The following SLC18A1 variants were observed in gnomAD, a reference collection of about 807,000 sequenced individuals.
SLC18A1 encodes the protein solute carrier family 18 member A1.
In SLC18A1, 69 loss-of-function variants were observed where a neutral mutation model predicts 53.7. That is an observed-to-expected ratio of 1.28 (90% CI 1.06 to 1.57). The LOEUF is 1.57. Ranked by LOEUF, SLC18A1 falls within the 40% of genes most tolerant of loss-of-function variation. The pLI, the probability that SLC18A1 is intolerant of heterozygous loss-of-function variation, is 0.00. For synonymous variants in SLC18A1, 320 were observed against 248.1 expected, an observed-to-expected ratio of 1.29 and a Z score of -2.72; for missense variants, 932 against 668.1, an observed-to-expected ratio of 1.40 and a Z score of -4.35.
At chr8:20,171,331 A>T in intron 7 of SLC18A1, 74 bp downstream of exon 7, 1 of 1,373,264 alleles carries the variant, frequency 7.3e-7, no homozygotes, top group Non-Finnish European at 1.0e-6. Flanking sequence ...CTTAGTGAAG[A>T]CTGACACTAC....
At chr8:20,148,707 C>T (rs554604825) in intron 12 of SLC18A1, among the ~76,000 whole-genome samples, 1 of 152,268 alleles carries the variant, frequency 6.6e-6, no homozygotes, top group East Asian at 1.9e-4. Flanking sequence ...TGGGTACCTG[C>T]CATTCAAACC....
intron 5 of SLC18A1, 42 bp downstream of exon 5, chr8:20,174,319 C>T (rs1047540371): frequency 1.2e-5 from 15 of 1,294,974 alleles, no homozygotes; most frequent in Non-Finnish European, 1.5e-5. Context: ...TGTGTGTGTG[C>T]ATGCCTGCAT....
At chr8:20,176,957 G>C (rs534485602) in intron 4 of SLC18A1, among the ~76,000 whole-genome samples, 1 of 152,204 alleles carries the variant, frequency 6.6e-6, no homozygotes, top group East Asian at 1.9e-4. Context: ...TGTCTCCCCA[G>C]GCAACCATCA....
chr8:20,171,356 C>T (rs1047796615), intron 7 of SLC18A1, 49 bp downstream of exon 7: 1 of 1,531,020 alleles, frequency 6.5e-7, no homozygotes, highest in Non-Finnish European at 9.1e-7. Flanking sequence ...TAATGCATTC[C>T]CAACCTGACC....
At chr8:20,182,203 C>T (rs1275376348) in intron 1 of SLC18A1, among the ~76,000 whole-genome samples, 1 of 152,120 alleles carries the variant, frequency 6.6e-6, no homozygotes, top group Non-Finnish European at 1.5e-5. Flanking sequence ...AACTCTACTA[C>T]AAGGAACCCA....
intron 10 of SLC18A1, among the ~76,000 whole-genome samples, chr8:20,160,540 T>A (rs1319224693): frequency 1.3e-5 from 2 of 152,108 alleles, no homozygotes; most frequent in Non-Finnish European, 2.9e-5. Context: ...CAAAATGGTT[T>A]AAAGTAAAAT....
At chr8:20,156,761 G>A (rs1424081391) in intron 10 of SLC18A1, among the ~76,000 whole-genome samples, 2 of 152,222 alleles carry the variant, frequency 1.3e-5, no homozygotes, top group African/African-American at 2.4e-5. Context: ...TAATTAGGGT[G>A]TATTCCTACA....
At chr8:20,164,651 T>G (rs1418618625) in intron 10 of SLC18A1, among the ~76,000 whole-genome samples, 4 of 152,178 alleles carry the variant, frequency 2.6e-5, no homozygotes, top group Non-Finnish European at 5.9e-5. Context: ...GCTAGGTATG[T>G]GACCTCTCCA....
At chr8:20,164,277 G>C (rs2071898498) in intron 10 of SLC18A1, among the ~76,000 whole-genome samples, 1 of 152,014 alleles carries the variant, frequency 6.6e-6, no homozygotes, top group African/African-American at 2.4e-5. Flanking sequence ...CATGAACAAA[G>C]GAAGCTGGAA....
intron 4 of SLC18A1, chr8:20,175,586 A>T (rs934208331): frequency 3.3e-5 from 5 of 152,202 alleles, no homozygotes; most frequent in Non-Finnish European, 7.3e-5. Context: ...AGGTCCTTCC[A>T]TTCAGGGTCC....
intron 12 of SLC18A1, 25 bp from the exon 13 acceptor site, chr8:20,148,095 A>T: frequency 6.2e-7 from 1 of 1,611,248 alleles, no homozygotes. Flanking sequence ...AGGAAGAGTC[A>T]TCAGGACTCC....
At chr8:20,174,195 G>C (rs111271501) in intron 5 of SLC18A1, among the ~76,000 whole-genome samples, 166 bp downstream of exon 5, 1,695 of 152,166 alleles carry the variant, frequency 0.011, 39 homozygotes, top group African/African-American at 0.039. Flanking sequence ...TTACAGGTGT[G>C]AGCCACTGTG....
chr8:20,171,298 A>G (rs2072109634), intron 7 of SLC18A1, 107 bp downstream of exon 7: 1 of 1,327,738 alleles, frequency 7.5e-7, no homozygotes, highest in African/African-American at 1.4e-5. Context: ...TTGATCCATC[A>G]AAACATGTCC....
rs187430684 is a variant in SLC18A1 at position 20,145,387 on chromosome 8, G to C, written c.*376C>G. ...TTGGGACTATGCCAGAGAAAATCAG[G>C]CAACAGATTAAAGAGGCTTGTCAGT... On this transcript the variant is annotated 3_prime_UTR_variant, in exon 16 of 16. Coordinates refer to ENST00000276373, the MANE Select transcript of SLC18A1 (RefSeq NM_003053.4). The C allele has an allele frequency of 6.2e-6, 1 of 160,456 alleles. No homozygotes were observed. Among genetic ancestry groups the C allele is most frequent in the African/African-American group, 2.4e-5 (1 of 41,898 alleles). The allele number at this position is 160,456 out of a possible 1,614,324, so 9.9% of individuals were successfully genotyped here.
intron 4 of SLC18A1, among the ~76,000 whole-genome samples, chr8:20,177,948 C>A (rs1299993850): frequency 6.6e-6 from 1 of 152,142 alleles, no homozygotes; most frequent in Non-Finnish European, 1.5e-5. Context: ...TAAGCTTAAC[C>A]TTTAAAGCCC....
intron 8 of SLC18A1, among the ~76,000 whole-genome samples, chr8:20,170,672 A>G (rs1182166022): frequency 1.3e-5 from 2 of 152,144 alleles, no homozygotes; most frequent in African/African-American, 4.8e-5. Context: ...GGTGGCCCCC[A>G]CAGCCTTCAT....
chr8:20,152,852 G>A (rs1450338823), intron 10 of SLC18A1, among the ~76,000 whole-genome samples: 1 of 152,202 alleles, frequency 6.6e-6, no homozygotes, highest in Non-Finnish European at 1.5e-5. Flanking sequence ...GAGAAGAGGA[G>A]TCTGGCCTTT....
At chr8:20,168,582 T>A (rs1470623057) in intron 8 of SLC18A1, among the ~76,000 whole-genome samples, 1 of 152,070 alleles carries the variant, frequency 6.6e-6, no homozygotes, top group East Asian at 1.9e-4. Context: ...TTTTTGTTTT[T>A]TAGAGTATTT....
chr8:20,156,833 A>G (rs2071694600), intron 10 of SLC18A1, among the ~76,000 whole-genome samples: 1 of 152,224 alleles, frequency 6.6e-6, no homozygotes, highest in Admixed American at 6.5e-5. Context: ...TCAAAGGGTT[A>G]CCTACACCCT....
Sources: allele counts gnomAD v4.1 joint callset (sites outside exome capture counted in the v4.1 genomes callset), GRCh38; gene constraint gnomAD v4.1.1; transcripts MANE v1.5; gene names NCBI Gene and HGNC (gene_info 2026-07-23, HGNC 2026-07-21).